Variants in CDC123 observed in about 807,000 individuals in gnomAD.
CDC123 encodes cell division cycle 123.
Under a neutral mutation model 54.4 loss-of-function variants are expected in CDC123, and 37 were observed. The observed-to-expected ratio is 0.68, with a 90% CI of 0.52 to 0.89. The LOEUF (loss-of-function observed/expected upper bound fraction) is 0.89, where lower values mean the gene tolerates loss of function less well. Ranked by LOEUF, CDC123 falls within the 40% of genes least tolerant of loss-of-function variation. The pLI, the probability that CDC123 is intolerant of heterozygous loss-of-function variation, is 0.00. For missense variants in CDC123, 361 were observed against 412.1 expected, an observed-to-expected ratio of 0.88 and a Z score of 1.07; for synonymous variants, 144 against 136.8, an observed-to-expected ratio of 1.05 and a Z score of -0.37.
chr10:12,210,735 C>G (rs1835586564), intron 4 of CDC123, among the ~76,000 whole-genome samples: 1 of 152,190 alleles, frequency 6.6e-6, no homozygotes, highest in South Asian at 2.1e-4. Flanking sequence ...GATTCTTGCT[C>G]TGTCGCCCAG....
intron 6 of CDC123, among the ~76,000 whole-genome samples, chr10:12,224,068 G>A (rs1835772228): frequency 2.6e-5 from 4 of 151,734 alleles, no homozygotes; most frequent in Admixed American, 2.6e-4. Flanking sequence ...TTATGCCTTT[G>A]CGTCTTCATA....
intron 1 of CDC123, among the ~76,000 whole-genome samples, chr10:12,196,666 C>T (rs1835355008): frequency 6.6e-6 from 1 of 152,130 alleles, no homozygotes; most frequent in South Asian, 2.1e-4. Context: ...GCCATCACCC[C>T]AGAGGATGGA....
chr10:12,203,370 T>C (rs1835469363), intron 2 of CDC123, among the ~76,000 whole-genome samples: 1 of 152,242 alleles, frequency 6.6e-6, no homozygotes, highest in Non-Finnish European at 1.5e-5. Context: ...ATGAACATGC[T>C]TATCCTACTT....
intron 1 of CDC123, 71 bp from the exon 2 acceptor site, chr10:12,198,634 G>A (rs1351949021): frequency 2.5e-6 from 2 of 806,186 alleles, no homozygotes; most frequent in East Asian, 2.5e-5. Context: ...AATTAATCAA[G>A]TGTAGAGATT....
chr10:12,227,041 G>T (rs937571058), intron 6 of CDC123, among the ~76,000 whole-genome samples: 3 of 152,182 alleles, frequency 2.0e-5, no homozygotes, highest in Admixed American at 1.3e-4. Context: ...ATCACTCGCG[G>T]TTAGGAGCTG....
intron 2 of CDC123, among the ~76,000 whole-genome samples, chr10:12,204,763 G>C (rs540860857): frequency 6.6e-6 from 1 of 152,010 alleles, no homozygotes; most frequent in Admixed American, 6.6e-5. Flanking sequence ...AGGCTCAGGT[G>C]GGCAGATCAC....
chr10:12,196,481 G>A (rs1402818345), intron 1 of CDC123, among the ~76,000 whole-genome samples, 162 bp downstream of exon 1: 1 of 152,246 alleles, frequency 6.6e-6, no homozygotes, highest in African/African-American at 2.4e-5. Context: ...CCTGTTGCGA[G>A]CCAGCGAGTG....
intron 11 of CDC123, among the ~76,000 whole-genome samples, chr10:12,248,381 T>C (rs1029585676): frequency 9.9e-5 from 15 of 151,100 alleles, no homozygotes; most frequent in Admixed American, 4.6e-4. Flanking sequence ...TGGTGGCAGA[T>C]GCCTGTAATC....
At chr10:12,219,268 C>G (rs970761477) in intron 6 of CDC123, among the ~76,000 whole-genome samples, 1 of 152,068 alleles carries the variant, frequency 6.6e-6, no homozygotes, top group Non-Finnish European at 1.5e-5. Flanking sequence ...TGTGTTACAT[C>G]GTATTACATG....
intron 10 of CDC123, among the ~76,000 whole-genome samples, chr10:12,241,625 T>G (rs1462309724): frequency 2.0e-5 from 3 of 152,192 alleles, no homozygotes; most frequent in Non-Finnish European, 2.9e-5. Flanking sequence ...GGGTTGGTTG[T>G]TTCTTTTTTG....
At position 12,198,765 on chromosome 10, in the gene CDC123, G is replaced by A; in HGVS notation, c.135G>A (p.Val45=). ...KDYLLDDGTL[V]VSGRDDPPTH... ...ATTTACTCGATGATGGAACTCTGGT[G>A]GTTTCAGGAAGGTAAAGTATTTTAG... Residue 45 remains valine (V), a synonymous_variant, in exon 2 of 13, where the codon GTG becomes GTA. Coordinates refer to ENST00000281141, the MANE Select transcript of CDC123 (RefSeq NM_006023.3). The A allele has an allele frequency of 6.3e-7, 1 of 1,577,200 alleles. No individual in the cohort carries two copies. Among genetic ancestry groups the A allele is most frequent in the Non-Finnish European group, 8.7e-7 (1 of 1,152,780 alleles).
At chr10:12,200,714 C>G (rs988950814) in intron 2 of CDC123, among the ~76,000 whole-genome samples, 2 of 151,888 alleles carry the variant, frequency 1.3e-5, no homozygotes, top group Non-Finnish European at 2.9e-5. Context: ...GGGTGGATCA[C>G]CTGAGGTCAG....
intron 6 of CDC123, among the ~76,000 whole-genome samples, chr10:12,228,508 C>T (rs1021114031): frequency 1.3e-4 from 19 of 151,632 alleles, no homozygotes; most frequent in African/African-American, 4.4e-4. Context: ...TGGATTCAAG[C>T]AGTTCTCCTA....
chr10:12,230,704 C>T (rs1299050403), intron 6 of CDC123, among the ~76,000 whole-genome samples: 1 of 152,188 alleles, frequency 6.6e-6, no homozygotes, highest in African/African-American at 2.4e-5. Context: ...TAGAAATGAT[C>T]CTGGAAGGTA....
At chr10:12,226,267 C>A (rs1746386113) in intron 6 of CDC123, among the ~76,000 whole-genome samples, 1 of 152,256 alleles carries the variant, frequency 6.6e-6, no homozygotes, top group Non-Finnish European at 1.5e-5. Flanking sequence ...TCTCAATGAG[C>A]TGTTGGGTAC....
intron 6 of CDC123, among the ~76,000 whole-genome samples, chr10:12,224,059 T>C (rs1322031591): frequency 6.6e-6 from 1 of 152,162 alleles, no homozygotes; most frequent in Non-Finnish European, 1.5e-5. Context: ...GTATCATTTT[T>C]ATGCCTTTGC....
At position 12,225,320 on chromosome 10, in the gene CDC123, G is replaced by A. The variant is rs534186717; in HGVS notation, c.441-5628G>A. 6.6e-5 allele frequency among the ~76,000 whole-genome samples: 10 copies of A among 152,254 alleles called. No homozygotes were observed. In the East Asian group the frequency reaches 1.5e-3, roughly 24 times the overall value. On this transcript the variant is annotated intron_variant, in intron 6 of 12. Coordinates refer to ENST00000281141, the MANE Select transcript of CDC123 (RefSeq NM_006023.3). ...TGAGGCAGGAGAATTGCTTGAGCCC[G>A]GGAGACGGAGGTTGCAGTGAGCCAA...
intron 2 of CDC123, among the ~76,000 whole-genome samples, chr10:12,209,719 C>G (rs1169848285): frequency 2.0e-5 from 3 of 152,148 alleles, no homozygotes; most frequent in Non-Finnish European, 4.4e-5. Context: ...CGCATGCCAC[C>G]TCGCCCAGCT....
chr10:12,238,858 A>G (rs1199460461), intron 10 of CDC123, among the ~76,000 whole-genome samples: 2 of 152,018 alleles, frequency 1.3e-5, no homozygotes, highest in African/African-American at 2.4e-5. Context: ...CGTCTCTACT[A>G]AAAATACAAA....
Sources: gnomAD v4.1 joint callset for allele counts (sites outside exome capture counted in the v4.1 genomes callset) on GRCh38, gnomAD v4.1.1 for gene constraint, MANE v1.5 for transcripts, NCBI Gene and HGNC (gene_info 2026-07-23, HGNC 2026-07-21) for gene names.